RGL1: variants seen among roughly 807,000 people sequenced by gnomAD.
RGL1 encodes the protein ral guanine nucleotide dissociation stimulator like 1.
A neutral mutation model predicts 95.2 loss-of-function variants in RGL1; 24 were observed. That is an observed-to-expected ratio of 0.25 (90% CI 0.18 to 0.35). RGL1 has a LOEUF of 0.35. Among genes scored for constraint, RGL1 ranks in the 10% least tolerant of loss-of-function variants. The probability of loss-of-function intolerance (pLI) is 1.00; values close to 1 mark genes in which losing one functional copy is unlikely to be tolerated. For missense variants in RGL1, 715 were observed against 936.3 expected (o/e 0.76, Z 3.08); for synonymous variants, 329 against 344.9 (o/e 0.95, Z 0.51).
At chr1:183,895,272 T>C (rs1667624326) in intron 9 of RGL1, among the ~76,000 whole-genome samples, 1 of 152,174 alleles carries the variant, frequency 6.6e-6, no homozygotes, top group South Asian at 2.1e-4. Flanking sequence ...AAGTTCCATC[T>C]AGACCTAGTA....
chr1:183,786,876 T>C (rs1305811857), intron 2 of RGL1, among the ~76,000 whole-genome samples: 2 of 152,216 alleles, frequency 1.3e-5, no homozygotes, highest in Non-Finnish European at 2.9e-5. Flanking sequence ...GGGCTCATTG[T>C]GAGTATTAGG....
intron 1 of RGL1, among the ~76,000 whole-genome samples, chr1:183,650,922 T>G (rs1177463141): frequency 6.6e-6 from 1 of 152,178 alleles, no homozygotes; most frequent in Non-Finnish European, 1.5e-5. Flanking sequence ...TGCTTATTGG[T>G]CTGTGGTATT....
intron 1 of RGL1, among the ~76,000 whole-genome samples, chr1:183,736,769 A>G (rs781647543): frequency 2.0e-5 from 3 of 152,224 alleles, no homozygotes; most frequent in Non-Finnish European, 4.4e-5. Context: ...ATCTGAGTTG[A>G]GTTTGAAAAA....
At chr1:183,696,229 G>A (rs537399419) in intron 1 of RGL1, among the ~76,000 whole-genome samples, 1 of 152,126 alleles carries the variant, frequency 6.6e-6, no homozygotes, top group South Asian at 2.1e-4. Flanking sequence ...CAAGGCTCGC[G>A]CTCTCCTGGC....
intron 2 of RGL1, among the ~76,000 whole-genome samples, chr1:183,763,169 C>T (rs1422651539): frequency 2.0e-5 from 3 of 152,102 alleles, no homozygotes; most frequent in South Asian, 2.1e-4. Context: ...TATTCTCACT[C>T]ATAAGTGGGA....
chr1:183,888,313 G>A (rs975867275), intron 7 of RGL1, among the ~76,000 whole-genome samples, 161 bp from the exon 8 acceptor site: 1 of 152,176 alleles, frequency 6.6e-6, no homozygotes, highest in African/African-American at 2.4e-5. Context: ...GATGACTGGG[G>A]TGGGAGGAAG....
At chr1:183,894,718 G>A (rs1258220084) in intron 9 of RGL1, among the ~76,000 whole-genome samples, 2 of 152,090 alleles carry the variant, frequency 1.3e-5, no homozygotes, top group Non-Finnish European at 2.9e-5. Flanking sequence ...TTGTAGATAT[G>A]TAGTCTCATT....
intron 17 of RGL1, among the ~76,000 whole-genome samples, chr1:183,923,626 T>C (rs529927169): frequency 5.3e-5 from 8 of 152,172 alleles, no homozygotes; most frequent in Admixed American, 5.2e-4. Context: ...CGGGCCTTGG[T>C]CCTTAATTAG....
At chr1:183,818,053 A>G (rs1166918575) in intron 2 of RGL1, among the ~76,000 whole-genome samples, 1 of 152,218 alleles carries the variant, frequency 6.6e-6, no homozygotes, top group Non-Finnish European at 1.5e-5. Context: ...TGATCTAGAC[A>G]ATCCACAAAT....
intron 2 of RGL1, among the ~76,000 whole-genome samples, chr1:183,835,255 T>TTACAAGTCAGAATG (rs1197563930): frequency 1.4e-5 from 2 of 139,260 alleles, no homozygotes; most frequent in African/African-American, 5.4e-5. Flanking sequence ...AAGTCAGAAT[T>TTACAAGTCAGAATG]TATAAATCTG....
intron 2 of RGL1, among the ~76,000 whole-genome samples, chr1:183,767,967 T>G (rs150676349): frequency 6.8e-6 from 1 of 147,284 alleles, no homozygotes; most frequent in Non-Finnish European, 1.5e-5. Flanking sequence ...AAAAAAAAAA[T>G]TGCCCAACTG....
At chr1:183,646,876 G>A (rs571137498) in intron 1 of RGL1, 1 of 152,314 alleles carries the variant, frequency 6.6e-6, no homozygotes, top group Non-Finnish European at 1.5e-5. Context: ...TAAGGGAAAA[G>A]CTAAAGAGAA....
At chr1:183,703,834 C>T (rs1654743001) in intron 1 of RGL1, among the ~76,000 whole-genome samples, 2 of 152,010 alleles carry the variant, frequency 1.3e-5, no homozygotes, top group South Asian at 4.1e-4. Flanking sequence ...CACTGAGTGG[C>T]AGATAGAGCA....
At chr1:183,663,659 T>C (rs1651816884) in intron 1 of RGL1, among the ~76,000 whole-genome samples, 1 of 151,912 alleles carries the variant, frequency 6.6e-6, no homozygotes, top group Non-Finnish European at 1.5e-5. Flanking sequence ...GTGTGGCGAT[T>C]CCTCAGGGAT....
chr1:183,847,524 G>T lies in RGL1; in HGVS notation c.139-42G>T, dbSNP rs781395104. The T allele has an allele frequency of 2.3e-5, 35 of 1,517,002 alleles. No individual in the cohort carries two copies. In the South Asian group the frequency reaches 3.9e-4, roughly 17 times the overall value. 94.0% of individuals were successfully genotyped at this position (1,517,002 alleles called of 1,614,324 possible). ...TTCAATGCTTCCAATTTTACTTTAG[G>T]GAGTCATTTCTCCTTATGGTAATTG... On this transcript the variant is annotated intron_variant, in intron 2 of 17. Coordinates refer to ENST00000360851, the MANE Select transcript of RGL1 (RefSeq NM_001297671.3).
At chr1:183,889,815 T>A (rs557777825) in intron 8 of RGL1, among the ~76,000 whole-genome samples, 2 of 152,330 alleles carry the variant, frequency 1.3e-5, no homozygotes, top group Admixed American at 6.5e-5. Context: ...GTGCTTTGTT[T>A]ATGACATCAA....
rs1487093653 is a variant in RGL1 at position 183,927,139 on chromosome 1, G to A, written c.*847G>A. 2 of 152,604 alleles carry A rather than the reference G, an allele frequency of 1.3e-5. No individual in the cohort carries two copies. Among genetic ancestry groups the A allele is most frequent in the Non-Finnish European group, 1.5e-5 (1 of 68,032 alleles). 9.5% of individuals were successfully genotyped at this position (152,604 alleles called of 1,614,324 possible). A position where few individuals can be genotyped will look rare whatever the true frequency, so the allele number is the denominator to read the frequency against. On this transcript the variant is annotated 3_prime_UTR_variant, in exon 18 of 18. Coordinates refer to ENST00000360851, the MANE Select transcript of RGL1 (RefSeq NM_001297671.3). ...ACAAATAACCATGTTCTTTGGTAAT[G>A]AAGCCAGAAAAGAAAGCGCAAAAGA...
chr1:183,738,669 G>C (rs1657096718), intron 1 of RGL1, among the ~76,000 whole-genome samples: 1 of 152,146 alleles, frequency 6.6e-6, no homozygotes, highest in Non-Finnish European at 1.5e-5. Context: ...GGGAGGCTGA[G>C]GCAGGTGGAT....
upstream of RGL1, among the ~76,000 whole-genome samples, chr1:183,800,743 A>C (rs1386034681): frequency 6.6e-6 from 1 of 152,176 alleles, no homozygotes; most frequent in Non-Finnish European, 1.5e-5. Context: ...TATAAGTGGG[A>C]TCATGTAGTA....
Sources: gnomAD v4.1 joint callset for allele counts (sites outside exome capture counted in the v4.1 genomes callset) on GRCh38, gnomAD v4.1.1 for gene constraint, MANE v1.5 for transcripts, NCBI Gene and HGNC (gene_info 2026-07-23, HGNC 2026-07-21) for gene names.